C17orf113: variants seen among roughly 807,000 people sequenced by gnomAD.
C17orf113 encodes chromosome 17 open reading frame 113.
A neutral mutation model predicts 11.6 loss-of-function variants in C17orf113; 5 were observed. The ratio of observed to expected loss-of-function variants is 0.43; its 90% CI spans 0.23 to 0.91. The LOEUF is 0.91. Ranked by LOEUF, C17orf113 falls within the 40% of genes least tolerant of loss-of-function variation. The probability of loss-of-function intolerance (pLI) is 0.26; values close to 1 mark genes in which losing one functional copy is unlikely to be tolerated. For synonymous variants in C17orf113, 327 were observed against 390.6 expected, an observed-to-expected ratio of 0.84 and a Z score of 1.92; for missense variants, 714 against 841.3, an observed-to-expected ratio of 0.85 and a Z score of 1.87.
rs2053252105 is a variant in C17orf113 at position 42,050,190 on chromosome 17, C to T, written c.-188+367G>A. On this transcript the variant is annotated intron_variant, in intron 1 of 2. Coordinates refer to ENST00000587304, the MANE Select transcript of C17orf113 (RefSeq NM_001358661.2). The surrounding 1 kb of genome is among the most constrained non-coding windows in gnomAD (Gnocchi z 5.6). ...GAGCAGGAACAACTTGACAAGGACC[C>T]CAAGGCATGTAAGCCTCAAACAGTA... 6.6e-6 allele frequency among the ~76,000 whole-genome samples: 1 copy of T among 152,202 alleles called. No individual in the cohort carries two copies. The highest frequency in any genetic ancestry group is 1.5e-5 in the Non-Finnish European group (1 of 68,032).
chr17:42,042,470 T>A (rs1422688812), intron 2 of C17orf113, among the ~76,000 whole-genome samples: 4 of 151,440 alleles, frequency 2.6e-5, no homozygotes, highest in African/African-American at 9.7e-5. Flanking sequence ...TGCAGTGAGC[T>A]GAGATCACGC....
In C17orf113 at chr17:42,038,283, T is replaced by C. The variant is rs2052913448; in HGVS notation, c.*1422A>G. Reference sequence around the variant, plus strand: ...CAAATTAAACTCAAACCCAGGGGTATTAGGAAAAGGCTAGCCCTCGCCCCT... The same window carrying C: ...CAAATTAAACTCAAACCCAGGGGTACTAGGAAAAGGCTAGCCCTCGCCCCT... On this transcript the variant is annotated 3_prime_UTR_variant, in exon 3 of 3. Coordinates refer to ENST00000587304, the MANE Select transcript of C17orf113 (RefSeq NM_001358661.2). The C allele has an allele frequency of 5.5e-6, 3 of 543,690 alleles. No homozygotes were observed. Among genetic ancestry groups the C allele is most frequent in the Admixed American group, 3.6e-5 (1 of 28,128 alleles). 33.7% of individuals were successfully genotyped at this position (543,690 alleles called of 1,614,324 possible).
Position 42,039,501 on chromosome 17 carries a change from G to C in C17orf113, c.*204C>G. 7.7e-6 allele frequency: 3 copies of C among 387,354 alleles called. No individual in the cohort carries two copies. Among genetic ancestry groups the C allele is most frequent in the Non-Finnish European group, 8.9e-6 (2 of 225,896 alleles). 24.0% of individuals were successfully genotyped at this position (387,354 alleles called of 1,614,324 possible). On this transcript the variant is annotated 3_prime_UTR_variant, in exon 3 of 3. Coordinates refer to ENST00000587304, the MANE Select transcript of C17orf113 (RefSeq NM_001358661.2). ...CCTAGCATCTCTGCCCACCCGCCCA[G>C]GCCCCTCTTGAGCCAGTCCCTTCCT...
In C17orf113 at chr17:42,038,356, G is replaced by A. The variant is rs2143617528; in HGVS notation, c.*1349C>T. 2.6e-6 allele frequency: 1 copy of A among 377,916 alleles called. No individual in the cohort carries two copies. Among genetic ancestry groups the A allele is most frequent in the Non-Finnish European group, 4.8e-6 (1 of 210,016 alleles). 23.4% of individuals were successfully genotyped at this position (377,916 alleles called of 1,614,324 possible). ...TCCCTCCAGATCCCCAGGATTTCAT[G>A]GCCAGGGCTGACAGGAGGGAATGGG... On this transcript the variant is annotated 3_prime_UTR_variant, in exon 3 of 3. Transcript: ENST00000587304.
intron 1 of C17orf113, among the ~76,000 whole-genome samples, chr17:42,048,267 G>A (rs1567988873): frequency 6.6e-6 from 1 of 151,952 alleles, no homozygotes; most frequent in East Asian, 1.9e-4. Context: ...GCTGGATGTG[G>A]TGGCTCACAC....
chr17:42,040,468 T>A lies in C17orf113; in HGVS notation c.1265A>T (p.Glu422Val). Reference protein sequence around the residue: ...QKLSLVLQAEEPDLALLQPLV... With the variant: ...QKLSLVLQAEVPDLALLQPLV... ...AGGCTGCAGCAAGGCCAAGTCCGGCTCTTCTGCCTGCAGGACAAGGGAGAG... is the reference window on the plus strand; with the variant it reads ...AGGCTGCAGCAAGGCCAAGTCCGGCACTTCTGCCTGCAGGACAAGGGAGAG... The change falls in exon 3 of 3, where the codon GAG becomes GTG. Residue 422 changes from glutamate to valine, a missense_variant. Glu to Val is a moderately radical substitution (Grantham distance 121, BLOSUM62 -2). Around this residue, in one of 3 missense-constraint regions of C17orf113, gnomAD observed 516 missense variants for 626.6 expected, o/e 0.82. Transcript: ENST00000587304. 8.1e-7 allele frequency: 1 copy of A among 1,232,204 alleles called. No homozygotes were observed. The allele number at this position is 1,232,204 out of a possible 1,614,324, so 76.3% of individuals were successfully genotyped here. A position where few individuals can be genotyped will look rare whatever the true frequency, so the allele number is the denominator to read the frequency against.
chr17:42,045,501 A>G (rs1232095081), intron 1 of C17orf113, among the ~76,000 whole-genome samples: 3 of 152,240 alleles, frequency 2.0e-5, no homozygotes, highest in Non-Finnish European at 4.4e-5. Context: ...TGGCTGAGAT[A>G]TTATCCTTTT....
chr17:42,041,993 C>A (rs2053033319), intron 2 of C17orf113, among the ~76,000 whole-genome samples: 2 of 152,174 alleles, frequency 1.3e-5, no homozygotes, highest in Admixed American at 6.5e-5. Context: ...TATGTAATCT[C>A]CTGAGTTTTT....
intron 1 of C17orf113, among the ~76,000 whole-genome samples, chr17:42,048,365 C>A (rs1026787137): frequency 1.6e-5 from 2 of 123,362 alleles, no homozygotes; most frequent in South Asian, 3.0e-4. Flanking sequence ...ATAGGGAGAA[C>A]CTGTCTTTAC....
In C17orf113 at chr17:42,038,290, A is replaced by G. The variant is rs1401928948; in HGVS notation, c.*1415T>C. 16 of 534,056 alleles carry G rather than the reference A, an allele frequency of 3.0e-5. No individual in the cohort carries two copies. The Admixed American group carries it at 5.4e-4, about 18-fold the overall frequency. 33.1% of individuals were successfully genotyped at this position (534,056 alleles called of 1,614,324 possible). A position where few individuals can be genotyped will look rare whatever the true frequency, so the allele number is the denominator to read the frequency against. ...AACTCAAACCCAGGGGTATTAGGAA[A>G]AGGCTAGCCCTCGCCCCTCTCACTC... On this transcript the variant is annotated 3_prime_UTR_variant, in exon 3 of 3. Transcript: ENST00000587304.
intron 1 of C17orf113, among the ~76,000 whole-genome samples, chr17:42,049,721 C>G (rs1374746820): frequency 6.6e-6 from 1 of 152,234 alleles, no homozygotes; most frequent in Non-Finnish European, 1.5e-5. Flanking sequence ...AGCTGCCTAT[C>G]CTGCCCATTC....
intron 1 of C17orf113, among the ~76,000 whole-genome samples, chr17:42,049,671 C>T (rs545868799): frequency 2.6e-5 from 4 of 152,336 alleles, no homozygotes; most frequent in Admixed American, 2.6e-4. Flanking sequence ...CAAGGTGATG[C>T]CCTTCTGGAA....
At chr17:42,042,221 C>A (rs4239269) in intron 2 of C17orf113, among the ~76,000 whole-genome samples, 117,997 of 151,864 alleles carry the variant, frequency 0.78, 46,599 homozygotes, top group South Asian at 0.86. Context: ...TTAAAAAAAA[C>A]CAAAAAACAA....
Position 42,040,925 on chromosome 17 carries a change from T to C in C17orf113, c.808A>G (p.Ser270Gly). ...GVSAPKLAWL[S>G]SSLPSERLGS... is the part of the protein sequence containing the mutation. ...AGGCGCTCACTGGGGAGGCTTGAGC[T>C]GAGCCAGGCCAGCTTGGGTGCAGAT... Residue 270 changes from serine (S) to glycine (G), a missense_variant, in exon 3 of 3, where the codon AGC (serine) becomes GGC (glycine). By Grantham distance (56) the Ser-to-Gly change is moderately conservative. Transcript: ENST00000587304. 1 of 1,232,200 alleles carries C rather than the reference T, an allele frequency of 8.1e-7. No individual in the cohort carries two copies. The highest frequency in any genetic ancestry group is 1.0e-6 in the Non-Finnish European group (1 of 987,990). 76.3% of individuals were successfully genotyped at this position (1,232,200 alleles called of 1,614,324 possible).
intron 1 of C17orf113, among the ~76,000 whole-genome samples, chr17:42,046,285 A>G (rs1415934297): frequency 6.6e-6 from 1 of 152,000 alleles, no homozygotes; most frequent in Admixed American, 6.6e-5. Context: ...CTCTCAGTAA[A>G]AGTTGGTTGT....
intron 2 of C17orf113, among the ~76,000 whole-genome samples, chr17:42,042,599 G>A (rs145777821): frequency 1.3e-5 from 2 of 152,306 alleles, no homozygotes; most frequent in African/African-American, 2.4e-5. Flanking sequence ...GATTTAGGCA[G>A]TGAGAAGAGT....
Position 42,040,515 on chromosome 17 carries a change from A to G in C17orf113, c.1218T>C (p.Asp406=). ...TFVAFTHLLL[D]ALPSVQKLSL... The stretch of plus-strand genomic sequence containing the variant: ...AGAGCTTCTGCACAGAGGGCAGGGC[A>G]TCCAGCAGCAGGTGGGTGAAGGCCA... The change falls in exon 3 of 3, where the codon GAT becomes GAC. Residue 406 remains aspartate, a synonymous_variant. Coordinates refer to ENST00000587304, the MANE Select transcript of C17orf113 (RefSeq NM_001358661.2). 13 of 1,232,840 alleles carry G rather than the reference A, an allele frequency of 1.1e-5. No individual in the cohort carries two copies. Among genetic ancestry groups the G allele is most frequent in the Admixed American group, 4.2e-5 (1 of 23,736 alleles). The allele number at this position is 1,232,840 out of a possible 1,614,324, so 76.4% of individuals were successfully genotyped here. A position where few individuals can be genotyped will look rare whatever the true frequency, so the allele number is the denominator to read the frequency against.
At position 42,050,535 on chromosome 17, in the gene C17orf113, C is replaced by G. The variant is rs1362196017; in HGVS notation, c.-188+22G>C. ...GGCGTCCAGCCCGGCCTGGCGCCCC[C>G]GCCCCGTCCGCTCGCACTCACGGAG... On this transcript the variant is annotated intron_variant, in intron 1 of 2. Transcript: ENST00000587304. The surrounding 1 kb of genome is among the most constrained non-coding windows in gnomAD (Gnocchi z 5.6). The G allele has an allele frequency of 2.6e-5, 4 of 152,228 alleles. No individual in the cohort carries two copies. The highest frequency in any genetic ancestry group is 1.3e-4 in the Admixed American group (2 of 15,288). 9.4% of individuals were successfully genotyped at this position (152,228 alleles called of 1,614,324 possible). A position where few individuals can be genotyped will look rare whatever the true frequency, so the allele number is the denominator to read the frequency against.
chr17:42,040,702 A>T lies in C17orf113; in HGVS notation c.1031T>A (p.Ile344Asn). Residue 344 changes from isoleucine to asparagine, a missense_variant, in exon 3 of 3, where the codon ATT becomes AAT. By Grantham distance (149) the Ile-to-Asn change is moderately radical. Transcript: ENST00000587304. ...CACTGGCCGAGGCCCTGCCAAGTCA[A>T]TAGCTGCAAGGTCCAGTGCTGCCCG... ...ELRAALDLAAIDLAGPRPVPW... is the reference protein window; with the variant it reads ...ELRAALDLAANDLAGPRPVPW... The T allele has an allele frequency of 8.1e-7, 1 of 1,232,290 alleles. No individual in the cohort carries two copies. The highest frequency in any genetic ancestry group is 1.0e-6 in the Non-Finnish European group (1 of 988,056). The allele number at this position is 1,232,290 out of a possible 1,614,324, so 76.3% of individuals were successfully genotyped here. A position where few individuals can be genotyped will look rare whatever the true frequency, so the allele number is the denominator to read the frequency against.
Sources: allele counts gnomAD v4.1 joint callset (sites outside exome capture counted in the v4.1 genomes callset), GRCh38; gene constraint gnomAD v4.1.1; regional missense constraint gnomAD v4.1.1; non-coding constraint Gnocchi (gnomAD v3.1); transcripts MANE v1.5; gene names NCBI Gene and HGNC (gene_info 2026-07-23, HGNC 2026-07-21).